UBIAD1: variants seen among roughly 807,000 people sequenced by gnomAD.
UBIAD1 encodes the protein ubiA prenyltransferase domain-containing protein 1.
UBIAD1 carries 12 observed loss-of-function variants against 20.1 expected under a neutral mutation model. That is an observed-to-expected ratio of 0.60 (90% CI 0.38 to 0.97). The LOEUF (loss-of-function observed/expected upper bound fraction) is 0.97, where lower values mean the gene tolerates loss of function less well. UBIAD1 is among the 50% of genes least tolerant of loss of function. UBIAD1 has a pLI of 0.00. For synonymous variants in UBIAD1, 207 were observed against 189.2 expected (o/e 1.09, Z -0.77); for missense variants, 333 against 419.5 (o/e 0.79, Z 1.80).
At position 11,273,634 on chromosome 1, in the gene UBIAD1, G is replaced by A. The variant is rs749756726; in HGVS notation, c.103G>A (p.Asp35Asn). Reference protein sequence around the residue: ...DPLGNDCPEQDRLPQRSWRQK... With the variant: ...DPLGNDCPEQNRLPQRSWRQK... ...GCTGGGGAACGACTGTCCCGAGCAA[G>A]ATAGGCTCCCCCAGCGCTCCTGGAG... The change falls in exon 1 of 2, where the codon GAT becomes AAT. Residue 35 changes from aspartate to asparagine, a missense_variant. Asp to Asn is a conservative substitution (Grantham distance 23). This residue lies in a region of UBIAD1 where 57 missense variants were observed against 54.7 expected (regional missense o/e 1.04). Transcript: ENST00000376810. This position sits in a 1 kb window ranked among gnomAD's most constrained non-coding sequence, Gnocchi z 4.9. The A allele has an allele frequency of 6.2e-7, 1 of 1,614,146 alleles. No individual in the cohort carries two copies. The highest frequency in any genetic ancestry group is 8.5e-7 in the Non-Finnish European group (1 of 1,180,044).
In UBIAD1 at chr1:11,273,281, C is replaced by T. The variant is rs1443599896; in HGVS notation, c.-251C>T. On this transcript the variant is annotated 5_prime_UTR_variant, in exon 1 of 2. Coordinates refer to ENST00000376810, the MANE Select transcript of UBIAD1 (RefSeq NM_013319.3). The surrounding 1 kb of genome is among the most constrained non-coding windows in gnomAD (Gnocchi z 4.9). ...AAGGCGGCCGCGGCTCAGCCGTGGGCTCTAACGCGGGGCTGGGGGCCGGAG... is the reference window on the plus strand; with the variant it reads ...AAGGCGGCCGCGGCTCAGCCGTGGGTTCTAACGCGGGGCTGGGGGCCGGAG... 1.6e-5 allele frequency: 9 copies of T among 555,644 alleles called. No individual in the cohort carries two copies. The South Asian group carries it at 1.8e-4, about 11-fold the overall frequency. 34.4% of individuals were successfully genotyped at this position (555,644 alleles called of 1,614,324 possible). A position where few individuals can be genotyped will look rare whatever the true frequency, so the allele number is the denominator to read the frequency against.
chr1:11,291,421 A>G (rs1638363475), downstream of UBIAD1, among the ~76,000 whole-genome samples: 1 of 151,802 alleles, frequency 6.6e-6, no homozygotes, highest in Admixed American at 6.6e-5. Context: ...CAGCCTGGCC[A>G]ATATGGCAAA....
chr1:11,282,691 TA>T lies in UBIAD1; in HGVS notation c.530-2952del, dbSNP rs1433695010. On this transcript the variant is annotated intron_variant, in intron 1 of 1. Coordinates refer to ENST00000376810, the MANE Select transcript of UBIAD1 (RefSeq NM_013319.3). Reference sequence around the variant, plus strand: ...GATTCTCCTGCCTCAGCCTCCCGAGTAGCTGGGATTACAGGCGTGCACCACC... The same window carrying T: ...GATTCTCCTGCCTCAGCCTCCCGAGTGCTGGGATTACAGGCGTGCACCACC... 3.3e-5 allele frequency among the ~76,000 whole-genome samples: 5 copies of T among 150,954 alleles called. No individual in the cohort carries two copies. In the Admixed American group the frequency reaches 3.3e-4, roughly 10 times the overall value.
At chr1:11,274,202 T>G in intron 1 of UBIAD1, 142 bp downstream of exon 1, 2 of 1,102,720 alleles carry the variant, frequency 1.8e-6, no homozygotes, top group South Asian at 2.7e-5. Flanking sequence ...GTGGGTGATG[T>G]GAATTTTTTG....
chr1:11,277,238 T>TA lies in UBIAD1; in HGVS notation c.529+3186dup, dbSNP rs1014320596. Among the ~76,000 whole-genome samples, 362 of 147,410 alleles carry TA rather than the reference T, an allele frequency of 2.5e-3. 2 individuals carry two copies. Among genetic ancestry groups the TA allele is most frequent in the Non-Finnish European group, 4.4e-3 (295 of 66,844 alleles). On this transcript the variant is annotated intron_variant, in intron 1 of 1. Coordinates refer to ENST00000376810, the MANE Select transcript of UBIAD1 (RefSeq NM_013319.3). ...AGAACAAGACTCCATCTCAAAAAAA[T>TA]AAAAAAAATTAAAAAAATCAAACAC... is the stretch of plus-strand genomic sequence containing the variant.
chr1:11,290,634 A>C (rs142320055), downstream of UBIAD1, among the ~76,000 whole-genome samples: 273 of 152,290 alleles, frequency 1.8e-3, no homozygotes, highest in African/African-American at 6.4e-3. Context: ...GGGTGGGAAA[A>C]GATATGAATA....
At chr1:11,298,812 G>A (rs1429777878), downstream of UBIAD1, among the ~76,000 whole-genome samples, 1 of 151,242 alleles carries the variant, frequency 6.6e-6, no homozygotes, top group Non-Finnish European at 1.5e-5. The surrounding 1 kb of genome is among the most constrained non-coding windows in gnomAD (Gnocchi z 4.0). Flanking sequence ...AGGAGGATAA[G>A]GGGAAACCAC....
At chr1:11,284,399 G>T (rs972387313) in intron 1 of UBIAD1, among the ~76,000 whole-genome samples, 1 of 152,144 alleles carries the variant, frequency 6.6e-6, no homozygotes, top group Admixed American at 6.5e-5. Context: ...TTTATCCCCA[G>T]GATGAGTGGT....
rs1279205924 is a variant in UBIAD1, at chr1:11,287,304, G to T, written c.*1173G>T. Reference sequence around the variant, plus strand: ...CAATATTGACCCTGCCTCTCCCCAGGGCTTTGTGGAAAGATAGTTGAGGGC... The same window carrying T: ...CAATATTGACCCTGCCTCTCCCCAGTGCTTTGTGGAAAGATAGTTGAGGGC... On this transcript the variant is annotated 3_prime_UTR_variant, in exon 2 of 2. Transcript: ENST00000376810. 6.6e-6 allele frequency: 1 copy of T among 152,236 alleles called. No individual in the cohort carries two copies. The highest frequency in any genetic ancestry group is 1.5e-5 in the Non-Finnish European group (1 of 68,060). 9.4% of individuals were successfully genotyped at this position (152,236 alleles called of 1,614,324 possible).
At chr1:11,279,152 C>T in intron 1 of UBIAD1, 1 of 222,824 alleles carries the variant, frequency 4.5e-6, no homozygotes. Flanking sequence ...GTGTGAACTG[C>T]CATGCCCGGC....
rs1210927908 is a variant in UBIAD1 at position 11,285,816 on chromosome 1, C to T, written c.702C>T (p.Thr234=). The T allele has an allele frequency of 6.2e-7, 1 of 1,614,198 alleles. No individual in the cohort carries two copies. The highest frequency in any genetic ancestry group is 8.5e-7 in the Non-Finnish European group (1 of 1,180,032). ...STEAILHSNN[T]RDMESDREAG... ...AGGCCATTCTCCATTCCAACAACAC[C>T]AGGGACATGGAGTCCGACCGGGAGG... Residue 234 remains threonine, a synonymous_variant, in exon 2 of 2, where the codon ACC becomes ACT. Transcript: ENST00000376810. This position sits in a 1 kb window ranked among gnomAD's most constrained non-coding sequence, Gnocchi z 4.4.
Position 11,285,687 on chromosome 1 carries a change from C to T in UBIAD1, c.573C>T (p.Leu191=). The T allele has an allele frequency of 1.9e-6, 3 of 1,614,216 alleles. No homozygotes were observed. Among genetic ancestry groups the T allele is most frequent in the Non-Finnish European group, 2.5e-6 (3 of 1,180,046 alleles). Residue 191 remains leucine, a synonymous_variant, in exon 2 of 2, where the codon CTC becomes CTT. Transcript: ENST00000376810. The surrounding 1 kb of genome is among the most constrained non-coding windows in gnomAD (Gnocchi z 4.4). ...TGGCTCTGGGAGACCTCATCATCCT[C>T]ATCACTTTTGGCCCGCTGGCTGTGA... The part of the protein sequence containing the change: ...KYVALGDLII[L]ITFGPLAVMF...
chr1:11,297,618 C>A (rs1187231945), downstream of UBIAD1, among the ~76,000 whole-genome samples: 1 of 152,190 alleles, frequency 6.6e-6, no homozygotes, highest in African/African-American at 2.4e-5. Flanking sequence ...CCTGGCTGTG[C>A]TGAGATCAGA....
downstream of UBIAD1, among the ~76,000 whole-genome samples, chr1:11,289,133 A>G (rs1443143966): frequency 1.3e-5 from 2 of 152,206 alleles, no homozygotes; most frequent in African/African-American, 2.4e-5. Context: ...GAGACGTGGG[A>G]TGGATAACAG....
chr1:11,273,625 C>G lies in UBIAD1; in HGVS notation c.94C>G (p.Pro32Ala), dbSNP rs770127497. 1 of 1,614,064 alleles carries G rather than the reference C, an allele frequency of 6.2e-7. No homozygotes were observed. Among genetic ancestry groups the G allele is most frequent in the Non-Finnish European group, 8.5e-7 (1 of 1,180,044 alleles). Reference protein sequence around the residue: ...GDRDPLGNDCPEQDRLPQRSW... With the variant: ...GDRDPLGNDCAEQDRLPQRSW... ...CAGGGACCCGCTGGGGAACGACTGT[C>G]CCGAGCAAGATAGGCTCCCCCAGCG... Residue 32 changes from proline (P) to alanine (A), a missense_variant, in exon 1 of 2, where the codon CCC (proline) becomes GCC (alanine). Physicochemically the swap from Pro to Ala is conservative, Grantham distance 27 (BLOSUM62 -1). Coordinates refer to ENST00000376810, the MANE Select transcript of UBIAD1 (RefSeq NM_013319.3). The surrounding 1 kb of genome is among the most constrained non-coding windows in gnomAD (Gnocchi z 4.9).
chr1:11,275,384 A>G (rs1430498543), intron 1 of UBIAD1, among the ~76,000 whole-genome samples: 1 of 152,188 alleles, frequency 6.6e-6, no homozygotes, highest in Non-Finnish European at 1.5e-5. Flanking sequence ...AAAAAAAAGT[A>G]GAGCAAAGAA....
Position 11,286,159 on chromosome 1 carries a change from G to A in UBIAD1, c.*28G>A. ...GGACAAGTAGCTCCCCCCACGACAT[G>A]TCTCCCTTTCTTAGAATATATTAAA... On this transcript the variant is annotated 3_prime_UTR_variant, in exon 2 of 2. Transcript: ENST00000376810. 1 of 1,614,032 alleles carries A rather than the reference G, an allele frequency of 6.2e-7. No individual in the cohort carries two copies. Among genetic ancestry groups the A allele is most frequent in the African/African-American group, 1.3e-5 (1 of 75,046 alleles).
chr1:11,282,525 G>T (rs1652272136), intron 1 of UBIAD1, among the ~76,000 whole-genome samples: 1 of 151,094 alleles, frequency 6.6e-6, no homozygotes, highest in Admixed American at 6.6e-5. Flanking sequence ...TTGGGGTGGG[G>T]ACAGAGATCT....
chr1:11,285,491 G>T lies in UBIAD1; in HGVS notation c.530-153G>T, dbSNP rs1638243755. ...GGCATTGGAGAAGAAATCAGAATTT[G>T]CTCTGTGGGGTTAAGGGATGAAATG... is the stretch of plus-strand genomic sequence containing the variant. On this transcript the variant is annotated intron_variant, in intron 1 of 1. Coordinates refer to ENST00000376810, the MANE Select transcript of UBIAD1 (RefSeq NM_013319.3). This position sits in a 1 kb window ranked among gnomAD's most constrained non-coding sequence, Gnocchi z 4.4. Among the ~76,000 whole-genome samples the T allele has an allele frequency of 6.6e-6, 1 of 152,140 alleles. No homozygotes were observed. The highest frequency in any genetic ancestry group is 2.4e-5 in the African/African-American group (1 of 41,428).
Sources: gnomAD v4.1 joint callset for allele counts (sites outside exome capture counted in the v4.1 genomes callset) on GRCh38, gnomAD v4.1.1 for gene constraint, gnomAD v4.1.1 regional missense constraint, Gnocchi (gnomAD v3.1) non-coding constraint, MANE v1.5 for transcripts, NCBI Gene and HGNC (gene_info 2026-07-23, HGNC 2026-07-21) for gene names.